The following RANBP3L variants were observed in gnomAD, a reference collection of about 807,000 sequenced individuals.
RANBP3L encodes the protein RAN binding protein 3 like.
RANBP3L carries 56 observed loss-of-function variants against 67.2 expected under a neutral mutation model. That is an observed-to-expected ratio of 0.83 (90% CI 0.67 to 1.04). RANBP3L has a LOEUF of 1.04. Ranked by LOEUF, RANBP3L falls within the 50% of genes least tolerant of loss-of-function variation. The probability of loss-of-function intolerance (pLI) is 0.00; values close to 1 mark genes in which losing one functional copy is unlikely to be tolerated. For missense variants in RANBP3L, 496 were observed against 535.5 expected (o/e 0.93, Z 0.73); for synonymous variants, 164 against 181.4 (o/e 0.90, Z 0.77).
At chr5:36,294,068 A>T (rs1752009989) in intron 1 of RANBP3L, among the ~76,000 whole-genome samples, 1 of 152,118 alleles carries the variant, frequency 6.6e-6, no homozygotes, top group Admixed American at 6.5e-5. Flanking sequence ...GATTATTGCC[A>T]CAATTTCAGA....
At chr5:36,261,287 AT>A (rs894421164) in intron 7 of RANBP3L, among the ~76,000 whole-genome samples, 18 of 152,050 alleles carry the variant, frequency 1.2e-4, no homozygotes, top group Non-Finnish European at 2.4e-4. Context: ...ATTGGCTTAA[AT>A]TTTTTGCCTC....
rs111439377 is a variant in RANBP3L, at chr5:36,296,635, T to G, written c.91+4691A>C. On this transcript the variant is annotated intron_variant, in intron 1 of 13. Transcript: ENST00000296604. ...CTTGAAGATTCACGGTTTCCACATC[T>G]TTATAAATAAGGATAACAATACCTG... 5.7e-3 allele frequency among the ~76,000 whole-genome samples: 872 copies of G among 152,296 alleles called. 6 individuals are homozygous for G. The highest frequency in any genetic ancestry group is 0.024 in the Middle Eastern group (7 of 294).
chr5:36,255,223 A>G (rs2111659823), intron 11 of RANBP3L, among the ~76,000 whole-genome samples: 1 of 152,232 alleles, frequency 6.6e-6, no homozygotes, highest in African/African-American at 2.4e-5. Context: ...TAAGTAGAGT[A>G]GAGAAAGAGA....
Position 36,288,986 on chromosome 5 carries a change from A to G in RANBP3L, c.91+12340T>C, listed in dbSNP as rs1751519380. Among the ~76,000 whole-genome samples, 4 of 151,640 alleles carry G rather than the reference A, an allele frequency of 2.6e-5. No individual in the cohort carries two copies. In the South Asian group the frequency reaches 6.3e-4, roughly 24 times the overall value. ...ATTTTATGGTCAGTGCTTTTTTGTC[A>G]GTCTAAAAAGCTGCCTTTTTGATGG... is the stretch of plus-strand genomic sequence containing the variant. On this transcript the variant is annotated intron_variant, in intron 1 of 13. Transcript: ENST00000296604.
In RANBP3L at chr5:36,251,457, GAT is replaced by G; in HGVS notation, c.1208_1209del (p.His403ProfsTer11). ...AAGCTTTGAAGTGCAACAAGACGATGATGTATTGCTGCATACAAATATGCTGT... is the reference window on the plus strand; with the variant it reads ...AAGCTTTGAAGTGCAACAAGACGATGGTATTGCTGCATACAAATATGCTGT... Reference protein sequence around the residue: ...QDTAYLYAAIHHRLVALQSFN... With the variant: ...QDTAYLYAAIXHRLVALQSFN... On this transcript the variant is annotated frameshift_variant, in exon 13 of 14. Coordinates refer to ENST00000296604, the MANE Select transcript of RANBP3L (RefSeq NM_145000.5). LOFTEE classifies it high-confidence loss of function. 1 of 1,612,520 alleles carries G rather than the reference GAT, an allele frequency of 6.2e-7. No homozygotes were observed. The highest frequency in any genetic ancestry group is 8.5e-7 in the Non-Finnish European group (1 of 1,179,074).
chr5:36,257,932 G>C (rs1749108274), intron 8 of RANBP3L, among the ~76,000 whole-genome samples: 1 of 152,072 alleles, frequency 6.6e-6, no homozygotes, highest in South Asian at 2.1e-4. Context: ...GAACTCGGGA[G>C]TTAAAAAGTA....
Position 36,247,146 on chromosome 5 carries a change from A to G in RANBP3L, c.*2508T>C, listed in dbSNP as rs941533259. Among the ~76,000 whole-genome samples the G allele has an allele frequency of 1.3e-5, 2 of 152,226 alleles. No individual in the cohort carries two copies. Among genetic ancestry groups the G allele is most frequent in the African/African-American group, 4.8e-5 (2 of 41,460 alleles). On this transcript the variant is annotated 3_prime_UTR_variant, in exon 14 of 14. Coordinates refer to ENST00000296604, the MANE Select transcript of RANBP3L (RefSeq NM_145000.5). Reference sequence around the variant, plus strand: ...TGTACAACTCATCTCTCCTTATAAAAGGAGAACAAAGGACATAGGAAAGCT... The same window carrying G: ...TGTACAACTCATCTCTCCTTATAAAGGGAGAACAAAGGACATAGGAAAGCT...
chr5:36,250,389 T>G (rs1236996782), intron 13 of RANBP3L, among the ~76,000 whole-genome samples: 3 of 152,084 alleles, frequency 2.0e-5, no homozygotes, highest in Admixed American at 2.0e-4. Flanking sequence ...CTGATCTGCA[T>G]GTTTTGTGTA....
chr5:36,299,181 G>T (rs548336338), intron 1 of RANBP3L, among the ~76,000 whole-genome samples: 137 of 152,192 alleles, frequency 9.0e-4, no homozygotes, highest in African/African-American at 3.2e-3. Flanking sequence ...TTCAGTTTTG[G>T]GAGTCAGACT....
At chr5:36,257,689 G>A (rs1749091307) in intron 8 of RANBP3L, 133 bp from the exon 9 acceptor site, 1 of 456,360 alleles carries the variant, frequency 2.2e-6, no homozygotes, top group South Asian at 3.5e-5. Flanking sequence ...TTTTTGTTTT[G>A]GACTTTCTGT....
rs1748410676 is a variant in RANBP3L, at chr5:36,248,621, G to T, written c.*1033C>A. Reference sequence around the variant, plus strand: ...TCAGAACATTTTCAGAAACATCTTGGAATTATGAATTTTTATCCCCTAATC... The same window carrying T: ...TCAGAACATTTTCAGAAACATCTTGTAATTATGAATTTTTATCCCCTAATC... On this transcript the variant is annotated 3_prime_UTR_variant, in exon 14 of 14. Transcript: ENST00000296604. 1 of 152,094 alleles carries T rather than the reference G, an allele frequency of 6.6e-6. No homozygotes were observed. The highest frequency in any genetic ancestry group is 2.4e-5 in the African/African-American group (1 of 41,412). 9.4% of individuals were successfully genotyped at this position (152,094 alleles called of 1,614,324 possible). A position where few individuals can be genotyped will look rare whatever the true frequency, so the allele number is the denominator to read the frequency against.
intron 1 of RANBP3L, among the ~76,000 whole-genome samples, chr5:36,295,327 T>C (rs546723142): frequency 3.9e-5 from 6 of 152,046 alleles, no homozygotes; most frequent in African/African-American, 1.4e-4. Context: ...CCCATGCTGT[T>C]CTCATGATAG....
chr5:36,256,358 GAAAGGC>G (rs933216052), intron 10 of RANBP3L, among the ~76,000 whole-genome samples: 4 of 152,112 alleles, frequency 2.6e-5, no homozygotes, highest in African/African-American at 9.6e-5. Context: ...AGCAGATGGA[GAAAGGC>G]AAAGGGAAAT....
intron 6 of RANBP3L, 125 bp downstream of exon 6, chr5:36,264,834 G>T: frequency 1.3e-6 from 1 of 778,342 alleles, no homozygotes; most frequent in Non-Finnish European, 2.1e-6. Context: ...AGGGCTTTAT[G>T]CTATCTAGCC....
At position 36,257,467 on chromosome 5, in the gene RANBP3L, G is replaced by C. The variant is rs371570640; in HGVS notation, c.759C>G (p.Asn253Lys). 1.3e-6 allele frequency: 2 copies of C among 1,550,524 alleles called. No homozygotes were observed. Among genetic ancestry groups the C allele is most frequent in the Non-Finnish European group, 1.8e-6 (2 of 1,129,550 alleles). Residue 253 changes from asparagine to lysine, a missense_variant, in exon 9 of 14, where the codon AAC becomes AAG. By Grantham distance (94) the Asn-to-Lys change is moderately conservative. Transcript: ENST00000296604. ...AAGAATTCTTACTTGAACTTAAAAA[G>C]TTGACAGGAAATTTCGGAATGGATT... Reference protein sequence around the residue: ...PFKSIPKFPVNFLSSRTDSIK... With the variant: ...PFKSIPKFPVKFLSSRTDSIK...
chr5:36,293,408 A>G lies in RANBP3L; in HGVS notation c.91+7918T>C, dbSNP rs941816081. Among the ~76,000 whole-genome samples the G allele has an allele frequency of 2.7e-5, 4 of 148,876 alleles. No homozygotes were observed. The Admixed American group carries it at 2.7e-4, about 10-fold the overall frequency. Reference sequence around the variant, plus strand: ...TACCCTTTATTTCCTTCTCCTGCCTAATTGCCCTGGTCAGAACTTCCAACA... The same window carrying G: ...TACCCTTTATTTCCTTCTCCTGCCTGATTGCCCTGGTCAGAACTTCCAACA... On this transcript the variant is annotated intron_variant, in intron 1 of 13. Transcript: ENST00000296604.
intron 1 of RANBP3L, among the ~76,000 whole-genome samples, chr5:36,299,293 A>G (rs537063754): frequency 6.6e-6 from 1 of 151,966 alleles, no homozygotes; most frequent in Admixed American, 6.6e-5. Flanking sequence ...ATACACACAT[A>G]TATACACATA....
intron 1 of RANBP3L, among the ~76,000 whole-genome samples, chr5:36,277,420 CTCTATA>C (rs1257505228): frequency 7.4e-5 from 6 of 80,540 alleles, no homozygotes; most frequent in African/African-American, 2.6e-4. Flanking sequence ...CTCTCTCTCT[CTCTATA>C]TATATATATA....
At position 36,249,051 on chromosome 5, in the gene RANBP3L, A is replaced by G. The variant is rs1748432545; in HGVS notation, c.*603T>C. On this transcript the variant is annotated 3_prime_UTR_variant, in exon 14 of 14. Transcript: ENST00000296604. ...ATTTAACAACTATTGGATGCTGACCATGAGTCAAACATTGACAAGATGCAA... is the reference window on the plus strand; with the variant it reads ...ATTTAACAACTATTGGATGCTGACCGTGAGTCAAACATTGACAAGATGCAA... 2 of 152,126 alleles carry G rather than the reference A, an allele frequency of 1.3e-5. No individual in the cohort carries two copies. The highest frequency in any genetic ancestry group is 2.4e-5 in the African/African-American group (1 of 41,456). The allele number at this position is 152,126 out of a possible 1,614,324, so 9.4% of individuals were successfully genotyped here.
Sources: allele counts gnomAD v4.1 joint callset (sites outside exome capture counted in the v4.1 genomes callset), GRCh38; gene constraint gnomAD v4.1.1; transcripts MANE v1.5; gene names NCBI Gene and HGNC (gene_info 2026-07-23, HGNC 2026-07-21).